The following PRKG1 variants were observed in gnomAD, a reference collection of about 807,000 sequenced individuals.
The protein encoded by PRKG1 is protein kinase cGMP-dependent 1.
A neutral mutation model predicts 88.1 loss-of-function variants in PRKG1; 35 were observed. The observed-to-expected ratio is 0.40, with a 90% CI of 0.30 to 0.53. The LOEUF (loss-of-function observed/expected upper bound fraction) is 0.53, where lower values mean the gene tolerates loss of function less well. Ranked by LOEUF, PRKG1 falls within the 20% of genes least tolerant of loss-of-function variation. The probability of loss-of-function intolerance (pLI) is 0.59; values close to 1 mark genes in which losing one functional copy is unlikely to be tolerated. For missense variants in PRKG1, 540 were observed against 839.8 expected, an observed-to-expected ratio of 0.64 and a Z score of 4.41; for synonymous variants, 303 against 292.5, an observed-to-expected ratio of 1.04 and a Z score of -0.37.
intron 3 of PRKG1, among the ~76,000 whole-genome samples, chr10:51,615,511 A>G (rs1000083850): frequency 6.6e-6 from 1 of 151,822 alleles, no homozygotes; most frequent in South Asian, 2.1e-4. Context: ...TGCTTTGCTC[A>G]TTCTTTTTTA....
At chr10:52,058,069 A>G (rs10824004) in intron 6 of PRKG1, among the ~76,000 whole-genome samples, 58,797 of 151,696 alleles carry the variant, frequency 0.39, 12,152 homozygotes, top group East Asian at 0.6. Context: ...AGACATATAT[A>G]TTATTAAAAT....
intron 7 of PRKG1, among the ~76,000 whole-genome samples, chr10:52,088,934 A>G (rs1381418490): frequency 1.3e-5 from 2 of 152,236 alleles, no homozygotes; most frequent in South Asian, 2.1e-4. Context: ...AGATCATATT[A>G]CATAAACAAA....
At chr10:52,011,121 T>G (rs1251787582) in intron 5 of PRKG1, among the ~76,000 whole-genome samples, 2 of 152,208 alleles carry the variant, frequency 1.3e-5, no homozygotes, top group African/African-American at 4.8e-5. Context: ...TAGCTTATGT[T>G]TATTAATTGT....
chr10:51,103,114 A>G (rs1390053008), intron 1 of PRKG1, among the ~76,000 whole-genome samples: 2 of 137,866 alleles, frequency 1.5e-5, no homozygotes, highest in Non-Finnish European at 3.2e-5. Context: ...ACATTGAACA[A>G]ATGGCTAAAT....
intron 5 of PRKG1, among the ~76,000 whole-genome samples, chr10:52,014,060 A>T (rs1222312706): frequency 2.1e-4 from 32 of 152,088 alleles, no homozygotes; most frequent in Admixed American, 2.0e-3. Context: ...GCATTACTAA[A>T]CTTGGTGTCA....
At position 51,518,133 on chromosome 10, in the gene PRKG1, G is replaced by T. The variant is rs1389264787; in HGVS notation, c.592+50297G>T. 2.0e-5 allele frequency among the ~76,000 whole-genome samples: 3 copies of T among 152,272 alleles called. No homozygotes were observed. The South Asian group carries it at 6.2e-4, about 32-fold the overall frequency. ...CTGTCTCAGCCTCCCGAGTAGCTGGGATTACAGGTGTGCACCACCACACTC... is the reference window on the plus strand; with the variant it reads ...CTGTCTCAGCCTCCCGAGTAGCTGGTATTACAGGTGTGCACCACCACACTC... On this transcript the variant is annotated intron_variant, in intron 3 of 17. Coordinates refer to ENST00000373980, the MANE Select transcript of PRKG1 (RefSeq NM_006258.4).
At chr10:51,404,192 A>T (rs913836395) in intron 2 of PRKG1, among the ~76,000 whole-genome samples, 4 of 152,212 alleles carry the variant, frequency 2.6e-5, no homozygotes, top group Admixed American at 2.0e-4. Context: ...AGTATTTCAG[A>T]TAGTTAGCGT....
intron 9 of PRKG1, among the ~76,000 whole-genome samples, chr10:52,228,739 C>A (rs1475407422): frequency 1.3e-5 from 2 of 152,174 alleles, no homozygotes; most frequent in African/African-American, 4.8e-5. Flanking sequence ...CAAGTCTTAG[C>A]TTGCTCTTGT....
intron 1 of PRKG1, among the ~76,000 whole-genome samples, chr10:51,138,080 T>G (rs182582414): frequency 1.3e-5 from 2 of 152,230 alleles, no homozygotes; most frequent in Admixed American, 1.3e-4. Context: ...GATTTACTCC[T>G]CATTATGTTT....
At chr10:51,947,061 C>G (rs867943213) in intron 5 of PRKG1, among the ~76,000 whole-genome samples, 4 of 152,082 alleles carry the variant, frequency 2.6e-5, no homozygotes, top group African/African-American at 4.8e-5. Flanking sequence ...GCCCTGCCCC[C>G]AGATGTGGAG....
At chr10:51,239,405 G>T (rs1185202193) in intron 2 of PRKG1, among the ~76,000 whole-genome samples, 1 of 152,166 alleles carries the variant, frequency 6.6e-6, no homozygotes, top group South Asian at 2.1e-4. Flanking sequence ...GTTCAAACTG[G>T]GGCTTCCCAG....
intron 2 of PRKG1, among the ~76,000 whole-genome samples, chr10:51,318,757 C>T (rs143602013): frequency 2.6e-5 from 4 of 152,260 alleles, no homozygotes; most frequent in Non-Finnish European, 5.9e-5. Context: ...TTTAAATAAG[C>T]TGAAATTCTT....
chr10:51,943,961 G>A (rs1190332873), intron 5 of PRKG1, among the ~76,000 whole-genome samples: 1 of 151,992 alleles, frequency 6.6e-6, no homozygotes, highest in African/African-American at 2.4e-5. Flanking sequence ...GGATGATGCT[G>A]GCCTCATCAA....
chr10:51,890,207 C>A (rs1040325375), intron 4 of PRKG1, among the ~76,000 whole-genome samples: 17 of 152,188 alleles, frequency 1.1e-4, no homozygotes, highest in African/African-American at 3.4e-4. Context: ...ACGTTTAAGT[C>A]TTTAATCCAT....
intron 5 of PRKG1, among the ~76,000 whole-genome samples, chr10:51,943,381 C>A (rs971916059): frequency 6.6e-6 from 1 of 151,936 alleles, no homozygotes; most frequent in African/African-American, 2.4e-5. Context: ...TCTAGATATA[C>A]AATCATGTCA....
intron 2 of PRKG1, among the ~76,000 whole-genome samples, chr10:51,355,899 C>T (rs1228705144): frequency 6.6e-6 from 1 of 151,910 alleles, no homozygotes; most frequent in Non-Finnish European, 1.5e-5. Flanking sequence ...TTCTTGACAC[C>T]CATGTTTTCA....
At chr10:51,506,781 C>T (rs1841220572) in intron 3 of PRKG1, among the ~76,000 whole-genome samples, 1 of 152,114 alleles carries the variant, frequency 6.6e-6, no homozygotes, top group Non-Finnish European at 1.5e-5. Flanking sequence ...TACCATTTGA[C>T]CCAGCCATCC....
At chr10:51,849,716 T>C (rs1840495841) in intron 4 of PRKG1, among the ~76,000 whole-genome samples, 1 of 152,182 alleles carries the variant, frequency 6.6e-6, no homozygotes, top group African/African-American at 2.4e-5. Flanking sequence ...TGTCATACTT[T>C]TAAAATTCTT....
intron 5 of PRKG1, among the ~76,000 whole-genome samples, chr10:52,050,010 G>A (rs1845948314): frequency 6.6e-6 from 1 of 151,952 alleles, no homozygotes; most frequent in African/African-American, 2.4e-5. Context: ...ACAATGGAGA[G>A]AACTAATTTA....
Sources: gnomAD v4.1 joint callset for allele counts (sites outside exome capture counted in the v4.1 genomes callset) on GRCh38, gnomAD v4.1.1 for gene constraint, MANE v1.5 for transcripts, NCBI Gene and HGNC (gene_info 2026-07-23, HGNC 2026-07-21) for gene names.